Variants in IL22RA2 observed in about 807,000 individuals in gnomAD.
The protein encoded by IL22RA2 is interleukin-22 receptor subunit alpha-2.
A neutral mutation model predicts 30.7 loss-of-function variants in IL22RA2; 39 were observed. That is an observed-to-expected ratio of 1.27 (90% CI 0.98 to 1.66). The LOEUF (loss-of-function observed/expected upper bound fraction) is 1.66, where lower values mean the gene tolerates loss of function less well. IL22RA2 is among the 40% of genes most tolerant of loss of function. The probability of loss-of-function intolerance (pLI) is 0.00; values close to 1 mark genes in which losing one functional copy is unlikely to be tolerated. For synonymous variants in IL22RA2, 103 were observed against 105.0 expected (o/e 0.98, Z 0.11); for missense variants, 315 against 312.7 (o/e 1.01, Z -0.05).
chr6:137,167,812 C>T (rs1215182285), intron 1 of IL22RA2, among the ~76,000 whole-genome samples: 1 of 152,214 alleles, frequency 6.6e-6, no homozygotes, highest in Non-Finnish European at 1.5e-5. Flanking sequence ...GCTTCAACCA[C>T]ACCAGAGGCT....
At position 137,145,625 on chromosome 6, in the gene IL22RA2, C is replaced by CCACACAGGA; in HGVS notation, c.790_791insTCCTGTGTG (p.Ter264delinsPheLeuCysGly). ...TTGCTGAATGCCAAATTCCACAAGT[C>CCACACAGGA]ATGGAATTTCCACACATCTCTCTTC... On this transcript the variant is annotated stop_lost, in exon 7 of 7. Transcript: ENST00000296980. 4.4e-6 allele frequency: 7 copies of CCACACAGGA among 1,603,214 alleles called. No individual in the cohort carries two copies. The Admixed American group carries it at 5.1e-5, about 12-fold the overall frequency.
At chr6:137,166,989 G>A (rs1778638507) in intron 1 of IL22RA2, among the ~76,000 whole-genome samples, 1 of 152,214 alleles carries the variant, frequency 6.6e-6, no homozygotes, top group Admixed American at 6.5e-5. Flanking sequence ...GGCTACCGGT[G>A]CATGCTAGTG....
intron 1 of IL22RA2, among the ~76,000 whole-genome samples, chr6:137,168,479 T>A (rs1431653571): frequency 6.6e-6 from 1 of 152,158 alleles, no homozygotes; most frequent in Middle Eastern, 3.2e-3. Flanking sequence ...AAGCTGCACA[T>A]CTCAGTAAAC....
intron 1 of IL22RA2, among the ~76,000 whole-genome samples, chr6:137,162,714 A>G (rs1778546440): frequency 6.6e-6 from 1 of 152,206 alleles, no homozygotes; most frequent in African/African-American, 2.4e-5. Context: ...AGGTCTGTGC[A>G]AACCTACCCT....
rs1405973346 is a variant in IL22RA2 at position 137,162,809 on chromosome 6, A to G, written c.-65-995T>C. ...AGAAACATTTCGTAGGGACTTATGA[A>G]CAGAGCCATGTGTGTGTCCTGGACA... On this transcript the variant is annotated intron_variant, in intron 1 of 6. Coordinates refer to ENST00000296980, the MANE Select transcript of IL22RA2 (RefSeq NM_052962.3). Among the ~76,000 whole-genome samples the G allele has an allele frequency of 2.6e-5, 4 of 152,200 alleles. No homozygotes were observed. The East Asian group carries it at 5.8e-4, about 22-fold the overall frequency.
At chr6:137,150,025 T>C (rs1190942056) in intron 5 of IL22RA2, among the ~76,000 whole-genome samples, 1 of 152,214 alleles carries the variant, frequency 6.6e-6, no homozygotes, top group African/African-American at 2.4e-5. Context: ...CAAATAATAC[T>C]GAAATCTCGC....
In IL22RA2 at chr6:137,144,223, A is replaced by G. The variant is rs1471968174; in HGVS notation, c.*1401T>C. On this transcript the variant is annotated 3_prime_UTR_variant, in exon 7 of 7. Transcript: ENST00000296980. ...AATTTTTTTTTCAGTCTCTGCGTCT[A>G]TGCTCAAATCAATGTTTTCTGAGCA... 6.6e-6 allele frequency: 1 copy of G among 152,202 alleles called. No individual in the cohort carries two copies. Among genetic ancestry groups the G allele is most frequent in the Admixed American group, 6.5e-5 (1 of 15,278 alleles). 9.4% of individuals were successfully genotyped at this position (152,202 alleles called of 1,614,324 possible).
Position 137,170,658 on chromosome 6 carries a change from G to C in IL22RA2, c.-66+2755C>G, listed in dbSNP as rs190708423. The stretch of plus-strand genomic sequence containing the variant: ...TTTGGGGCTCAGACTAGCTGAGCCG[G>C]TGATCACCTTAATTTAATAAACTTT... On this transcript the variant is annotated intron_variant, in intron 1 of 6. Transcript: ENST00000296980. Among the ~76,000 whole-genome samples, 234 of 152,212 alleles carry C rather than the reference G, an allele frequency of 1.5e-3. 1 individual carries two copies. The highest frequency in any genetic ancestry group is 4.6e-3 in the African/African-American group (193 of 41,542).
intron 1 of IL22RA2, among the ~76,000 whole-genome samples, chr6:137,165,941 T>C (rs1394384106): frequency 1.3e-5 from 2 of 152,188 alleles, no homozygotes; most frequent in Admixed American, 1.3e-4. Flanking sequence ...TGAAATCCCC[T>C]ACCTAACCTT....
intron 5 of IL22RA2, among the ~76,000 whole-genome samples, chr6:137,152,629 TGTGA>T (rs1322142584): frequency 6.6e-6 from 1 of 152,204 alleles, no homozygotes; most frequent in African/African-American, 2.4e-5. Flanking sequence ...TAAAATTGAC[TGTGA>T]GTGATGGTTG....
chr6:137,171,168 C>A (rs1433870315), intron 1 of IL22RA2, among the ~76,000 whole-genome samples: 1 of 152,172 alleles, frequency 6.6e-6, no homozygotes, highest in Non-Finnish European at 1.5e-5. Flanking sequence ...TATTTGCTGT[C>A]CTACCATAAA....
chr6:137,154,682 GA>G (rs1250684068), intron 5 of IL22RA2, among the ~76,000 whole-genome samples: 1 of 152,108 alleles, frequency 6.6e-6, no homozygotes, highest in Non-Finnish European at 1.5e-5. Flanking sequence ...TCTGCAGTCA[GA>G]TATAGCAAAT....
At position 137,147,722 on chromosome 6, in the gene IL22RA2, C is replaced by G; in HGVS notation, c.642G>C (p.Lys214Asn). ...RVFIINNSLEKEQKVYEGAHR... is the reference protein window; with the variant it reads ...RVFIINNSLENEQKVYEGAHR... ...AATATATCTATTCATCTGAACTTAC[C>G]TTTTCTAGTGAATTGTTAATTATAA... Residue 214 changes from lysine (K) to asparagine (N), a missense_variant and splice_region_variant, in exon 6 of 7, where the codon AAG (lysine) becomes AAC (asparagine). By Grantham distance (94) the Lys-to-Asn change is moderately conservative. Transcript: ENST00000296980. 6.5e-7 allele frequency: 1 copy of G among 1,529,854 alleles called. No individual in the cohort carries two copies. 94.8% of individuals were successfully genotyped at this position (1,529,854 alleles called of 1,614,324 possible).
At chr6:137,147,986 T>TCACCTGAGCCCAGGGAGGCC in intron 5 of IL22RA2, 95 bp from the exon 6 acceptor site, 2 of 1,170,272 alleles carry the variant, frequency 1.7e-6, no homozygotes, top group Non-Finnish European at 1.2e-6. Context: ...GGTGGGAGGA[T>TCACCTGAGCCCAGGGAGGCC]CACCTGAGCC....
At chr6:137,167,966 G>T (rs1289206349) in intron 1 of IL22RA2, among the ~76,000 whole-genome samples, 1 of 152,212 alleles carries the variant, frequency 6.6e-6, no homozygotes, top group African/African-American at 2.4e-5. Flanking sequence ...TACAAACATA[G>T]TTATACTCTT....
intron 1 of IL22RA2, among the ~76,000 whole-genome samples, chr6:137,163,709 G>A (rs538309372): frequency 3.9e-4 from 59 of 152,214 alleles, no homozygotes; most frequent in Non-Finnish European, 4.0e-4. Flanking sequence ...GACAATGGGA[G>A]AGGCCCATTG....
chr6:137,147,373 TAATAAATAAATAAATAAATA>T (rs10680789), intron 6 of IL22RA2, among the ~76,000 whole-genome samples: 2 of 145,836 alleles, frequency 1.4e-5, no homozygotes, highest in Admixed American at 1.4e-4. Context: ...ATAAAATACA[TAATAAATAAATAAATAAATA>T]AATAAATAAA....
chr6:137,165,685 A>G (rs1458429468), intron 1 of IL22RA2, among the ~76,000 whole-genome samples: 3 of 152,102 alleles, frequency 2.0e-5, no homozygotes, highest in African/African-American at 4.8e-5. Flanking sequence ...TGAATGCCAA[A>G]TTTTCCGGTG....
At chr6:137,168,280 G>T (rs976827380) in intron 1 of IL22RA2, among the ~76,000 whole-genome samples, 1 of 152,104 alleles carries the variant, frequency 6.6e-6, no homozygotes. Context: ...CTGGAAACGG[G>T]CAGCCCCAAA....
Sources: allele counts gnomAD v4.1 joint callset (sites outside exome capture counted in the v4.1 genomes callset), GRCh38; gene constraint gnomAD v4.1.1; transcripts MANE v1.5; gene names NCBI Gene and HGNC (gene_info 2026-07-23, HGNC 2026-07-21).